The following SHLD1 variants were observed in gnomAD, a reference collection of about 807,000 sequenced individuals.
The protein encoded by SHLD1 is shieldin complex subunit 1.
A neutral mutation model predicts 5.5 loss-of-function variants in SHLD1; 3 were observed. That is an observed-to-expected ratio of 0.54 (90% CI 0.25 to 1.40). The LOEUF (loss-of-function observed/expected upper bound fraction) is 1.40. SHLD1 is among the 40% of genes most tolerant of loss of function. The pLI is 0.15. For missense variants in SHLD1, 210 were observed against 244.4 expected, an observed-to-expected ratio of 0.86 and a Z score of 0.94; for synonymous variants, 92 against 94.3, an observed-to-expected ratio of 0.98 and a Z score of 0.14.
At chr20:5,808,265 CA>C (rs993596036) in intron 2 of SHLD1, among the ~76,000 whole-genome samples, 15 of 24,698 alleles carry the variant, frequency 6.1e-4, no homozygotes, top group East Asian at 1.5e-3. Flanking sequence ...GACTCCATCT[CA>C]AAAAAAAAAG....
At chr20:5,805,664 A>T (rs1355685728) in intron 2 of SHLD1, among the ~76,000 whole-genome samples, 4 of 151,712 alleles carry the variant, frequency 2.6e-5, no homozygotes, top group East Asian at 1.9e-4. Flanking sequence ...GCAGTGGCGC[A>T]ATCTCGGCTC....
intron 1 of SHLD1, among the ~76,000 whole-genome samples, chr20:5,755,462 C>A (rs937231494): frequency 6.6e-6 from 1 of 152,224 alleles, no homozygotes; most frequent in African/African-American, 2.4e-5. Context: ...ACCGTCCCCC[C>A]ACCCCCAGTC....
intron 1 of SHLD1, among the ~76,000 whole-genome samples, chr20:5,761,275 AAG>A (rs1279126538): frequency 6.6e-6 from 1 of 152,174 alleles, no homozygotes. Context: ...GTCAAGGGGA[AAG>A]AGAGCATTAA....
intron 2 of SHLD1, among the ~76,000 whole-genome samples, chr20:5,846,463 G>GCA (rs1214822576): frequency 6.6e-6 from 1 of 152,214 alleles, no homozygotes; most frequent in Non-Finnish European, 1.5e-5. Context: ...TGTTGCCATA[G>GCA]CAACCAAGAT....
In SHLD1 at chr20:5,784,596, GCC is replaced by G. The variant is rs1261953931; in HGVS notation, c.178+11555_178+11556del. On this transcript the variant is annotated intron_variant, in intron 2 of 2. Transcript: ENST00000303142. ...CTCCCGAGTAGCTGGGACTACAGGCGCCCGCCACCACGCCCGGCTAATTTTTT... is the reference window on the plus strand; with the variant it reads ...CTCCCGAGTAGCTGGGACTACAGGCGCGCCACCACGCCCGGCTAATTTTTT... 2.0e-5 allele frequency among the ~76,000 whole-genome samples: 3 copies of G among 151,876 alleles called. No homozygotes were observed. The East Asian group carries it at 5.8e-4, about 29-fold the overall frequency.
intron 1 of SHLD1, among the ~76,000 whole-genome samples, chr20:5,758,335 G>A (rs1174866340): frequency 4.9e-5 from 6 of 123,408 alleles, no homozygotes; most frequent in African/African-American, 1.8e-4. Flanking sequence ...GGGAGGGGAG[G>A]GGAAGGGAGG....
At chr20:5,763,613 C>T (rs1438854626) in intron 1 of SHLD1, among the ~76,000 whole-genome samples, 1 of 152,168 alleles carries the variant, frequency 6.6e-6, no homozygotes, top group Non-Finnish European at 1.5e-5. Flanking sequence ...CATACTCTTC[C>T]TCTTTCCCCT....
At chr20:5,834,117 C>T (rs1204636043) in intron 2 of SHLD1, among the ~76,000 whole-genome samples, 1 of 152,200 alleles carries the variant, frequency 6.6e-6, no homozygotes, top group East Asian at 1.9e-4. Context: ...GAACAGTGCT[C>T]AATTTTGGGG....
At chr20:5,812,086 TTTTC>T in intron 2 of SHLD1, among the ~76,000 whole-genome samples, 2 of 151,160 alleles carry the variant, frequency 1.3e-5, no homozygotes, top group East Asian at 1.9e-4. Flanking sequence ...TTTTCTTTTT[TTTTC>T]TTTTTTTTTT....
At chr20:5,807,789 G>A (rs1386135327) in intron 2 of SHLD1, among the ~76,000 whole-genome samples, 1 of 152,166 alleles carries the variant, frequency 6.6e-6, no homozygotes, top group Non-Finnish European at 1.5e-5. Flanking sequence ...GTGATTTCAA[G>A]CAATGAGCTA....
chr20:5,759,235 G>A (rs1030395872), intron 1 of SHLD1, among the ~76,000 whole-genome samples: 1 of 151,334 alleles, frequency 6.6e-6, no homozygotes, highest in Non-Finnish European at 1.5e-5. Flanking sequence ...TTACAGGCAT[G>A]AGCCACGGTG....
chr20:5,803,610 C>T (rs189355686), intron 2 of SHLD1, among the ~76,000 whole-genome samples: 437 of 152,254 alleles, frequency 2.9e-3, no homozygotes, highest in African/African-American at 0.01. Flanking sequence ...GTGGCTCACA[C>T]CTGTAATCCC....
At chr20:5,789,990 C>T (rs187368399) in intron 2 of SHLD1, among the ~76,000 whole-genome samples, 1 of 152,340 alleles carries the variant, frequency 6.6e-6, no homozygotes, top group African/African-American at 2.4e-5. Flanking sequence ...AGAGGAAGTG[C>T]TCACCTTCAG....
chr20:5,760,283 G>A (rs1176061202), intron 1 of SHLD1, among the ~76,000 whole-genome samples: 3 of 152,060 alleles, frequency 2.0e-5, no homozygotes, highest in Admixed American at 6.6e-5. Context: ...GGTCAGCTCC[G>A]CAGTTGCAAG....
chr20:5,832,365 A>T (rs190257366), intron 2 of SHLD1, among the ~76,000 whole-genome samples: 1 of 152,360 alleles, frequency 6.6e-6, no homozygotes, highest in East Asian at 1.9e-4. Flanking sequence ...CTCCAAATAC[A>T]AAGGTGTAAC....
chr20:5,830,329 G>C (rs2087713341), intron 2 of SHLD1, among the ~76,000 whole-genome samples: 1 of 152,188 alleles, frequency 6.6e-6, no homozygotes, highest in Non-Finnish European at 1.5e-5. Context: ...TTGAGTGAAA[G>C]AAGCCAGATA....
intron 2 of SHLD1, among the ~76,000 whole-genome samples, chr20:5,786,064 G>T (rs146843581): frequency 1.1e-3 from 165 of 152,160 alleles, no homozygotes; most frequent in African/African-American, 3.6e-3. Context: ...CCAAAATGAA[G>T]GTCTCTGCAG....
intron 2 of SHLD1, among the ~76,000 whole-genome samples, chr20:5,801,109 C>T (rs1568509324): frequency 7.0e-6 from 1 of 143,770 alleles, no homozygotes; most frequent in Non-Finnish European, 1.5e-5. Context: ...CAGAGTTTCT[C>T]TCTTATCACC....
chr20:5,806,643 C>T lies in SHLD1; in HGVS notation c.178+33600C>T, dbSNP rs188173787. Reference sequence around the variant, plus strand: ...TCCCAGGAGCTGTTGAGGGCAGTGGCGCCTGCTTCTGGCCATGGACAGAGA... The same window carrying T: ...TCCCAGGAGCTGTTGAGGGCAGTGGTGCCTGCTTCTGGCCATGGACAGAGA... On this transcript the variant is annotated intron_variant, in intron 2 of 2. Transcript: ENST00000303142. This position sits in a 1 kb window ranked among gnomAD's most constrained non-coding sequence, Gnocchi z 7.6. Among the ~76,000 whole-genome samples the T allele has an allele frequency of 9.2e-5, 14 of 152,320 alleles. No individual in the cohort carries two copies. The highest frequency in any genetic ancestry group is 3.3e-4 in the Admixed American group (5 of 15,290).
Sources: gnomAD v4.1 joint callset for allele counts (sites outside exome capture counted in the v4.1 genomes callset) on GRCh38, gnomAD v4.1.1 for gene constraint, Gnocchi (gnomAD v3.1) non-coding constraint, MANE v1.5 for transcripts, NCBI Gene and HGNC (gene_info 2026-07-23, HGNC 2026-07-21) for gene names.